Variants in COL28A1 observed in about 807,000 individuals in gnomAD.
COL28A1 encodes the protein collagen type XXVIII alpha 1 chain.
COL28A1 carries 161 observed loss-of-function variants against 150.2 expected under a neutral mutation model. The ratio of observed to expected loss-of-function variants is 1.07; its 90% CI spans 0.94 to 1.22. The LOEUF (loss-of-function observed/expected upper bound fraction) is 1.22, where lower values mean the gene tolerates loss of function less well. Among genes scored for constraint, COL28A1 ranks in the 50% most tolerant of loss-of-function variants. The pLI is 0.00. For missense variants in COL28A1, 1,617 were observed against 1,388.3 expected, an observed-to-expected ratio of 1.16 and a Z score of -2.62; for synonymous variants, 552 against 469.7, an observed-to-expected ratio of 1.18 and a Z score of -2.26.
intron 26 of COL28A1, 150 bp from the exon 27 acceptor site, chr7:7,418,077 T>G (rs1044360221): frequency 3.4e-6 from 2 of 589,404 alleles, no homozygotes; most frequent in Admixed American, 7.2e-5. Flanking sequence ...TTACTTAGAG[T>G]GCTTCCCCAA....
rs745883832 is a variant in COL28A1 at position 7,507,157 on chromosome 7, G to A, written c.932C>T (p.Ser311Phe). ...GKPGIKGDKG[S>F]PGPYGPKGPR... The stretch of plus-strand genomic sequence containing the variant: ...TCCCTTTGGTCCATATGGCCCTGGG[G>A]ATCCCTGTGGAATAAAATTGAAAAT... Residue 311 changes from serine to phenylalanine, a missense_variant, in exon 10 of 35, where the codon TCC becomes TTC. Physicochemically the swap from Ser to Phe is radical, Grantham distance 155. Transcript: ENST00000399429. 2.5e-6 allele frequency: 3 copies of A among 1,216,442 alleles called. No homozygotes were observed. In the Admixed American group the frequency reaches 5.1e-5, roughly 21 times the overall value. 75.4% of individuals were successfully genotyped at this position (1,216,442 alleles called of 1,614,324 possible).
chr7:7,379,737 C>T (rs914658653), intron 30 of COL28A1, among the ~76,000 whole-genome samples: 26 of 152,216 alleles, frequency 1.7e-4, no homozygotes, highest in African/African-American at 6.3e-4. Flanking sequence ...TATAAACCTA[C>T]AGGGAACGTT....
chr7:7,493,176 T>C (rs550346860), intron 11 of COL28A1, among the ~76,000 whole-genome samples: 132 of 151,918 alleles, frequency 8.7e-4, no homozygotes, highest in African/African-American at 3.1e-3. Context: ...ATTCTATTCA[T>C]TTTTTATCCC....
At chr7:7,485,101 C>T (rs1779551417) in intron 13 of COL28A1, among the ~76,000 whole-genome samples, 1 of 152,104 alleles carries the variant, frequency 6.6e-6, no homozygotes, top group Non-Finnish European at 1.5e-5. Flanking sequence ...TATAACAAAC[C>T]TGCAAATGTA....
At chr7:7,414,718 A>G (rs1325612796) in intron 27 of COL28A1, among the ~76,000 whole-genome samples, 1 of 152,192 alleles carries the variant, frequency 6.6e-6, no homozygotes, top group Non-Finnish European at 1.5e-5. Flanking sequence ...AGTCATGTCC[A>G]TTCATTCTAC....
chr7:7,447,954 C>T (rs1786392247), intron 18 of COL28A1, among the ~76,000 whole-genome samples: 1 of 152,056 alleles, frequency 6.6e-6, no homozygotes, highest in African/African-American at 2.4e-5. Flanking sequence ...GTAATCCCAG[C>T]TACATGGGAA....
At chr7:7,421,531 T>C (rs1474333126) in intron 25 of COL28A1, among the ~76,000 whole-genome samples, 1 of 152,168 alleles carries the variant, frequency 6.6e-6, no homozygotes, top group African/African-American at 2.4e-5. Context: ...CCAAGACCTT[T>C]AGCCTTAGGT....
chr7:7,434,479 G>C (rs533285275), intron 23 of COL28A1, among the ~76,000 whole-genome samples: 3 of 152,132 alleles, frequency 2.0e-5, no homozygotes, highest in Non-Finnish European at 4.4e-5. Context: ...AGCAGTAACA[G>C]CTCCCCGGTT....
intron 34 of COL28A1, among the ~76,000 whole-genome samples, chr7:7,359,816 C>A (rs535728173): frequency 4.9e-4 from 74 of 152,268 alleles, no homozygotes; most frequent in African/African-American, 1.6e-3. Flanking sequence ...TCTACTACCT[C>A]TGCCCTTAAA....
At chr7:7,533,825 C>G (rs1350966303) in intron 1 of COL28A1, among the ~76,000 whole-genome samples, 3 of 152,096 alleles carry the variant, frequency 2.0e-5, no homozygotes, top group African/African-American at 7.2e-5. Flanking sequence ...TCAGTATACC[C>G]AAGAGAATGG....
chr7:7,539,432 C>T (rs531116599), upstream of COL28A1, among the ~76,000 whole-genome samples: 4 of 152,264 alleles, frequency 2.6e-5, no homozygotes, highest in African/African-American at 9.6e-5. Context: ...GCAAGGATGG[C>T]ATTAAGTCAT....
At chr7:7,524,205 G>A (rs1562909418) in intron 4 of COL28A1, 24 bp downstream of exon 4, 8 of 1,132,168 alleles carry the variant, frequency 7.1e-6, no homozygotes, top group Non-Finnish European at 6.8e-6. Context: ...GTAATTCGTA[G>A]TAATCAAAGC....
chr7:7,349,623 C>T, the COL28A1 span, among the ~76,000 whole-genome samples: 1 of 152,142 alleles, frequency 6.6e-6, no homozygotes, highest in African/African-American at 2.4e-5. Context: ...TGTCCCCTTT[C>T]TGTGCTATGG....
At position 7,507,167 on chromosome 7, in the gene COL28A1, G is replaced by A. The variant is rs763254734; in HGVS notation, c.928-6C>T. Reference sequence around the variant, plus strand: ...CCATATGGCCCTGGGGATCCCTGTGGAATAAAATTGAAAATAAGTCTCTCT... The same window carrying A: ...CCATATGGCCCTGGGGATCCCTGTGAAATAAAATTGAAAATAAGTCTCTCT... On this transcript the variant is annotated splice_polypyrimidine_tract_variant and splice_region_variant and intron_variant, in intron 9 of 34. Coordinates refer to ENST00000399429, the MANE Select transcript of COL28A1 (RefSeq NM_001037763.3). The A allele has an allele frequency of 3.5e-6, 4 of 1,146,496 alleles. No individual in the cohort carries two copies. The highest frequency in any genetic ancestry group is 1.3e-6 in the Non-Finnish European group (1 of 757,838). 71.0% of individuals were successfully genotyped at this position (1,146,496 alleles called of 1,614,324 possible). A position where few individuals can be genotyped will look rare whatever the true frequency, so the allele number is the denominator to read the frequency against.
intron 4 of COL28A1, among the ~76,000 whole-genome samples, chr7:7,522,878 A>C (rs989192210): frequency 1.3e-5 from 2 of 150,688 alleles, no homozygotes; most frequent in Non-Finnish European, 2.9e-5. Context: ...AAAGTTTATA[A>C]ATTTGTGTTG....
intron 25 of COL28A1, among the ~76,000 whole-genome samples, chr7:7,430,978 AC>A (rs1163531772): frequency 6.6e-6 from 1 of 152,104 alleles, no homozygotes; most frequent in Non-Finnish European, 1.5e-5. Flanking sequence ...TCTCATCATT[AC>A]CCCCAGAAGC....
intron 13 of COL28A1, among the ~76,000 whole-genome samples, chr7:7,481,934 T>C (rs17520004): frequency 2.0e-5 from 3 of 152,116 alleles, no homozygotes; most frequent in African/African-American, 7.2e-5. Flanking sequence ...AACAAACAGA[T>C]CACCCTGACA....
chr7:7,367,245 TAC>T (rs1282027923), intron 33 of COL28A1, among the ~76,000 whole-genome samples: 2 of 152,204 alleles, frequency 1.3e-5, no homozygotes, highest in Non-Finnish European at 2.9e-5. Context: ...TTTGTGTGAG[TAC>T]ACTCTATGAT....
In COL28A1 at chr7:7,532,771, T is replaced by C; in HGVS notation, c.105A>G (p.Ala35=). Residue 35 remains alanine, a synonymous_variant, in exon 2 of 35, where the codon GCA becomes GCG. Transcript: ENST00000399429. The stretch of plus-strand genomic sequence containing the variant: ...TTTTACCCTGGACATCACTTTTCCT[T>C]GCAAGCAAATTTGATTTTGGTCCTT... ...RKKGPKSNLL[A]RKSDVQGSIC... 12 of 1,610,762 alleles carry C rather than the reference T, an allele frequency of 7.4e-6. No homozygotes were observed. The highest frequency in any genetic ancestry group is 1.0e-5 in the Non-Finnish European group (12 of 1,178,928).
Sources: allele counts gnomAD v4.1 joint callset (sites outside exome capture counted in the v4.1 genomes callset), GRCh38; gene constraint gnomAD v4.1.1; transcripts MANE v1.5; gene names NCBI Gene and HGNC (gene_info 2026-07-23, HGNC 2026-07-21).